The following CSMD1 variants were observed in gnomAD, a reference collection of about 807,000 sequenced individuals.
CSMD1 encodes CUB and sushi domain-containing protein 1.
In CSMD1, 213 loss-of-function variants were observed where a neutral mutation model predicts 417.5. The ratio of observed to expected loss-of-function variants is 0.51; its 90% CI spans 0.46 to 0.57. CSMD1 has a LOEUF of 0.57. Among genes scored for constraint, CSMD1 ranks in the 20% least tolerant of loss-of-function variants. CSMD1 has a pLI of 0.00. For missense variants in CSMD1, 6,923 were observed against 4,529.7 expected (o/e 1.53, Z -15.17); for synonymous variants, 2,862 against 1,736.8 (o/e 1.65, Z -16.11).
At chr8:4,448,120 G>C (rs1238464154) in intron 2 of CSMD1, among the ~76,000 whole-genome samples, 1 of 152,118 alleles carries the variant, frequency 6.6e-6, no homozygotes, top group Non-Finnish European at 1.5e-5. Flanking sequence ...TCTCTTCCTA[G>C]TTCTCACTTT....
chr8:3,333,706 T>C (rs1338624679), intron 23 of CSMD1, among the ~76,000 whole-genome samples: 1 of 152,356 alleles, frequency 6.6e-6, no homozygotes, highest in East Asian at 1.9e-4. Context: ...TACTTTCCCC[T>C]GGTTCTTAGC....
At chr8:4,908,579 T>G (rs917614857) in intron 1 of CSMD1, among the ~76,000 whole-genome samples, 2 of 151,180 alleles carry the variant, frequency 1.3e-5, no homozygotes, top group African/African-American at 4.8e-5. Context: ...TTCATTTCAA[T>G]GTAGAGAGTT....
intron 3 of CSMD1, among the ~76,000 whole-genome samples, chr8:4,185,803 C>T (rs892805711): frequency 2.6e-5 from 4 of 152,110 alleles, no homozygotes; most frequent in Non-Finnish European, 5.9e-5. Flanking sequence ...AGTGGCAGAC[C>T]CAGTGCCAGA....
Position 4,081,228 on chromosome 8 carries a change from A to G in CSMD1, c.416-49129T>C, listed in dbSNP as rs114241732. Among the ~76,000 whole-genome samples, 635 of 152,306 alleles carry G rather than the reference A, an allele frequency of 4.2e-3. 5 individuals carry two copies. Among genetic ancestry groups the G allele is most frequent in the African/African-American group, 0.015 (611 of 41,556 alleles). On this transcript the variant is annotated intron_variant, in intron 3 of 69. Coordinates refer to ENST00000635120, the MANE Select transcript of CSMD1 (RefSeq NM_033225.6). ...TGTGGCGTTTTGTTATGCAGCAGGA[A>G]CAGTCTCAGACAAGCATTGTGGTAG...
intron 1 of CSMD1, among the ~76,000 whole-genome samples, chr8:4,646,128 G>C (rs539663276): frequency 6.6e-6 from 1 of 152,236 alleles, no homozygotes; most frequent in African/African-American, 2.4e-5. Context: ...AATAATGCAA[G>C]TTATTCTGAA....
At chr8:4,787,250 G>A (rs1797451072) in intron 1 of CSMD1, 3 of 542,336 alleles carry the variant, frequency 5.5e-6, no homozygotes, top group Non-Finnish European at 1.0e-5. Context: ...TCCCCGCCCA[G>A]AGATGCTCTC....
chr8:3,669,645 T>C (rs1256189807), intron 7 of CSMD1, among the ~76,000 whole-genome samples: 1 of 152,130 alleles, frequency 6.6e-6, no homozygotes, highest in African/African-American at 2.4e-5. Context: ...GGGTACATCA[T>C]TTATTAACTC....
At chr8:4,925,735 G>C (rs537882449) in intron 1 of CSMD1, among the ~76,000 whole-genome samples, 26 of 152,020 alleles carry the variant, frequency 1.7e-4, no homozygotes, top group African/African-American at 5.3e-4. Flanking sequence ...TTTTAGTAGA[G>C]ACGGGGTTTC....
chr8:4,514,402 T>C (rs1337678349), intron 2 of CSMD1, among the ~76,000 whole-genome samples: 1 of 152,110 alleles, frequency 6.6e-6, no homozygotes, highest in East Asian at 1.9e-4. Context: ...CAGTCCACAA[T>C]ACCATTCTAG....
chr8:4,858,820 C>T (rs914252875), intron 1 of CSMD1, among the ~76,000 whole-genome samples: 12 of 145,536 alleles, frequency 8.2e-5, no homozygotes, highest in East Asian at 6.4e-4. Flanking sequence ...GAATCAATAT[C>T]GTGAAAATGG....
chr8:3,821,251 A>G (rs1461471863), intron 5 of CSMD1, among the ~76,000 whole-genome samples: 1 of 152,190 alleles, frequency 6.6e-6, no homozygotes, highest in East Asian at 1.9e-4. Flanking sequence ...GAATGAGTAC[A>G]CACTAAAATA....
chr8:3,621,093 C>T (rs1294380927), intron 7 of CSMD1, among the ~76,000 whole-genome samples: 1 of 152,266 alleles, frequency 6.6e-6, no homozygotes, highest in Admixed American at 6.5e-5. Context: ...GAGAGTCATC[C>T]ACAAGACAAG....
chr8:3,545,297 G>C (rs1386759288), intron 10 of CSMD1, among the ~76,000 whole-genome samples: 1 of 152,162 alleles, frequency 6.6e-6, no homozygotes, highest in Non-Finnish European at 1.5e-5. Flanking sequence ...TTTCAAAGTT[G>C]CTTTTATCCC....
intron 12 of CSMD1, among the ~76,000 whole-genome samples, chr8:3,439,157 G>GAAA (rs1384498414): frequency 2.6e-5 from 1 of 38,260 alleles, no homozygotes; most frequent in Non-Finnish European, 4.8e-5. Context: ...AAAAAACCAA[G>GAAA]AAAAAAAAAA....
At chr8:4,816,459 C>T (rs930203561) in intron 1 of CSMD1, among the ~76,000 whole-genome samples, 4 of 152,068 alleles carry the variant, frequency 2.6e-5, no homozygotes. Context: ...AACTCCTGAC[C>T]TCAAGTGATC....
chr8:3,356,676 A>T (rs2053749), intron 21 of CSMD1, among the ~76,000 whole-genome samples: 1 of 151,908 alleles, frequency 6.6e-6, no homozygotes, highest in Non-Finnish European at 1.5e-5. Flanking sequence ...ACTCCATCTC[A>T]AAACAAAACA....
intron 26 of CSMD1, among the ~76,000 whole-genome samples, chr8:3,270,338 G>C (rs890823652): frequency 3.3e-5 from 5 of 152,104 alleles, no homozygotes; most frequent in Non-Finnish European, 5.9e-5. Flanking sequence ...TTACAGGCAT[G>C]AGCCACTGCA....
intron 18 of CSMD1, among the ~76,000 whole-genome samples, chr8:3,377,074 T>C (rs1201824877): frequency 2.6e-5 from 4 of 152,318 alleles, no homozygotes; most frequent in African/African-American, 9.6e-5. Context: ...AGTGGTGTGA[T>C]CTTGGCTCTC....
rs995215455 is a variant in CSMD1 at position 4,994,563 on chromosome 8, A to C, written c.-147T>G. On this transcript the variant is annotated 5_prime_UTR_variant, in exon 1 of 70. Coordinates refer to ENST00000635120, the MANE Select transcript of CSMD1 (RefSeq NM_033225.6). Reference sequence around the variant, plus strand: ...CCCGCCGCGCATCCGACGCCTCCTGAAGGTCTGGGCGCCCGGCTCGCTTCC... The same window carrying C: ...CCCGCCGCGCATCCGACGCCTCCTGCAGGTCTGGGCGCCCGGCTCGCTTCC... 1.6e-5 allele frequency: 11 copies of C among 691,560 alleles called. No individual in the cohort carries two copies. The highest frequency in any genetic ancestry group is 2.2e-5 in the Non-Finnish European group (9 of 400,858). 42.8% of individuals were successfully genotyped at this position (691,560 alleles called of 1,614,324 possible).
Sources: allele counts gnomAD v4.1 joint callset (sites outside exome capture counted in the v4.1 genomes callset), GRCh38; gene constraint gnomAD v4.1.1; transcripts MANE v1.5; gene names NCBI Gene and HGNC (gene_info 2026-07-23, HGNC 2026-07-21).